The following FAM149A variants were observed in gnomAD, a reference collection of about 807,000 sequenced individuals.
FAM149A encodes protein FAM149A.
A neutral mutation model predicts 78.2 loss-of-function variants in FAM149A; 71 were observed. That is an observed-to-expected ratio of 0.91 (90% CI 0.75 to 1.11). The LOEUF (loss-of-function observed/expected upper bound fraction) is 1.11, where lower values mean the gene tolerates loss of function less well. FAM149A is among the 50% of genes least tolerant of loss of function. The pLI, the probability that FAM149A is intolerant of heterozygous loss-of-function variation, is 0.00. For missense variants in FAM149A, 1,036 were observed against 971.0 expected (o/e 1.07, Z -0.89); for synonymous variants, 446 against 410.5 (o/e 1.09, Z -1.04).
At position 186,164,632 on chromosome 4, in the gene FAM149A, A is replaced by C; in HGVS notation, c.1890-712A>C. On this transcript the variant is annotated intron_variant, in intron 10 of 13. Coordinates refer to ENST00000389354, the MANE Select transcript of FAM149A (RefSeq NM_001367768.3). This position sits in a 1 kb window ranked among gnomAD's most constrained non-coding sequence, Gnocchi z 4.0. ...TCCCTCCTCCGCCTCGCTTCCCCCC[A>C]TGCCAGTCAGCAGCACACGGTGCCA... 1 of 293,164 alleles carries C rather than the reference A, an allele frequency of 3.4e-6. No individual in the cohort carries two copies. The highest frequency in any genetic ancestry group is 5.1e-6 in the Non-Finnish European group (1 of 197,282). 18.2% of individuals were successfully genotyped at this position (293,164 alleles called of 1,614,324 possible).
At chr4:186,109,446 C>T (rs1331821600) in intron 1 of FAM149A, 1 of 980,730 alleles carries the variant, frequency 1.0e-6, no homozygotes, top group Non-Finnish European at 1.2e-6. Context: ...TCCTCTGACA[C>T]TGAGGCAGCC....
chr4:186,161,095 G>A (rs1484266920), intron 8 of FAM149A, among the ~76,000 whole-genome samples: 1 of 151,988 alleles, frequency 6.6e-6, no homozygotes, highest in Non-Finnish European at 1.5e-5. Context: ...TTAGATTTTT[G>A]TGTAATTTTT....
chr4:186,158,742 C>T (rs1460539502), intron 8 of FAM149A: 5 of 1,074,094 alleles, frequency 4.7e-6, no homozygotes, highest in South Asian at 2.9e-5. Flanking sequence ...CCTATTCAGC[C>T]GTCCCTACTG....
At chr4:186,160,852 A>G in intron 8 of FAM149A, 3 of 985,388 alleles carry the variant, frequency 3.0e-6, no homozygotes, top group Non-Finnish European at 3.6e-6. Context: ...AAACTTGCGT[A>G]TATAGACTAC....
chr4:186,127,773 C>T (rs553113411), intron 1 of FAM149A: 2 of 666,124 alleles, frequency 3.0e-6, no homozygotes, highest in East Asian at 2.7e-4. Context: ...GCAACCTCTG[C>T]CTTCCAAGTT....
At chr4:186,148,570 T>A (rs1733232306) in intron 1 of FAM149A, among the ~76,000 whole-genome samples, 1 of 152,190 alleles carries the variant, frequency 6.6e-6, no homozygotes, top group Admixed American at 6.5e-5. Flanking sequence ...CCAGTTAGGC[T>A]TAATAGTTTA....
At chr4:186,110,431 A>G (rs1411047300) in intron 1 of FAM149A, 3 of 614,764 alleles carry the variant, frequency 4.9e-6, no homozygotes, top group Non-Finnish European at 6.1e-6. Flanking sequence ...TTTAGGGTAC[A>G]TGTGCACATT....
intron 1 of FAM149A, chr4:186,109,579 T>C (rs919412803): frequency 2.1e-5 from 21 of 985,382 alleles, no homozygotes; most frequent in Non-Finnish European, 2.5e-5. Context: ...TTTTTCTTTC[T>C]TGATAATATG....
Position 186,152,050 on chromosome 4 carries a change from G to A in FAM149A, c.932+5G>A. 1 of 1,613,368 alleles carries A rather than the reference G, an allele frequency of 6.2e-7. No homozygotes were observed. The highest frequency in any genetic ancestry group is 8.5e-7 in the Non-Finnish European group (1 of 1,179,966). On this transcript the variant is annotated splice_donor_5th_base_variant and intron_variant, in intron 4 of 13. Coordinates refer to ENST00000389354, the MANE Select transcript of FAM149A (RefSeq NM_001367768.3). ...AAGAAGATCCCTCCATTTGAGGTGG[G>A]ACCTTGGTGGTGGAAGTTCTCTGGG...
At chr4:186,137,279 G>A (rs1280636087) in intron 1 of FAM149A, among the ~76,000 whole-genome samples, 2 of 151,226 alleles carry the variant, frequency 1.3e-5, no homozygotes, top group Non-Finnish European at 2.9e-5. Flanking sequence ...TAAAAGAGTA[G>A]CCACCTTTCA....
Position 186,172,143 on chromosome 4 carries a change from CA to C in FAM149A, c.*157del, listed in dbSNP as rs1169750480. 2.7e-5 allele frequency: 31 copies of C among 1,143,542 alleles called. No homozygotes were observed. 70.8% of individuals were successfully genotyped at this position (1,143,542 alleles called of 1,614,324 possible). ...AACAAATAAATCACTTAATCTTGAA[CA>C]CTTTGCACTGTAAAGAGAGTGAAAG... On this transcript the variant is annotated 3_prime_UTR_variant, in exon 14 of 14. Coordinates refer to ENST00000389354, the MANE Select transcript of FAM149A (RefSeq NM_001367768.3).
chr4:186,136,249 CTG>C (rs1270501592), intron 1 of FAM149A, among the ~76,000 whole-genome samples: 3 of 152,136 alleles, frequency 2.0e-5, no homozygotes, highest in Non-Finnish European at 4.4e-5. Flanking sequence ...TGTTGAAAGA[CTG>C]TTTAATTATC....
intron 1 of FAM149A, among the ~76,000 whole-genome samples, chr4:186,111,703 T>G (rs1374556744): frequency 1.7e-3 from 241 of 139,724 alleles, no homozygotes; most frequent in Middle Eastern, 3.5e-3. Context: ...ATCAGATAGT[T>G]GTAGATATGC....
chr4:186,143,933 C>T (rs1227256702), intron 1 of FAM149A: 3 of 152,178 alleles, frequency 2.0e-5, no homozygotes, highest in Non-Finnish European at 2.9e-5. Flanking sequence ...CATGGTTTAC[C>T]TCTGTAAATA....
chr4:186,120,448 C>T (rs866571253), intron 1 of FAM149A, among the ~76,000 whole-genome samples: 6 of 151,834 alleles, frequency 4.0e-5, no homozygotes, highest in East Asian at 1.9e-4. Context: ...GTATTTCCAC[C>T]AGAACAAAAT....
intron 8 of FAM149A, among the ~76,000 whole-genome samples, chr4:186,161,428 G>A (rs1428873271): frequency 1.3e-5 from 2 of 152,196 alleles, no homozygotes; most frequent in East Asian, 3.8e-4. Flanking sequence ...ACTCTCTAGT[G>A]TAAGTCTTCT....
chr4:186,149,844 T>TA (rs1733334181), intron 3 of FAM149A, 140 bp downstream of exon 3: 1 of 446,338 alleles, frequency 2.2e-6, no homozygotes, highest in Admixed American at 4.8e-5. Context: ...TAAAAGCATG[T>TA]ACATGTTACA....
chr4:186,125,432 C>G, intron 1 of FAM149A: 13 of 726,716 alleles, frequency 1.8e-5, no homozygotes, highest in Non-Finnish European at 2.2e-5. Flanking sequence ...ACAGTAATGA[C>G]GCTGCCTCTC....
chr4:186,130,573 G>T (rs916604046), intron 1 of FAM149A, among the ~76,000 whole-genome samples: 1 of 150,904 alleles, frequency 6.6e-6, no homozygotes, highest in South Asian at 2.1e-4. Context: ...TGCCCAGGCT[G>T]GTCTCAAACT....
Sources: allele counts gnomAD v4.1 joint callset (sites outside exome capture counted in the v4.1 genomes callset), GRCh38; gene constraint gnomAD v4.1.1; non-coding constraint Gnocchi (gnomAD v3.1); transcripts MANE v1.5; gene names NCBI Gene and HGNC (gene_info 2026-07-23, HGNC 2026-07-21).